The following DPY19L1 variants were observed in gnomAD, a reference collection of about 807,000 sequenced individuals.
The protein encoded by DPY19L1 is protein C-mannosyl-transferase DPY19L1.
A neutral mutation model predicts 96.9 loss-of-function variants in DPY19L1; 35 were observed. The observed-to-expected ratio is 0.36, with a 90% CI of 0.28 to 0.48. DPY19L1 has a LOEUF of 0.48. Ranked by LOEUF, DPY19L1 falls within the 20% of genes least tolerant of loss-of-function variation. DPY19L1 has a pLI of 0.99. For missense variants in DPY19L1, 521 were observed against 777.9 expected (o/e 0.67, Z 3.93); for synonymous variants, 205 against 252.6 (o/e 0.81, Z 1.79).
intron 1 of DPY19L1, among the ~76,000 whole-genome samples, chr7:35,033,263 G>A (rs1339576549): frequency 2.0e-5 from 3 of 152,120 alleles, no homozygotes; most frequent in Non-Finnish European, 4.4e-5. Context: ...GACCTTTCCT[G>A]ACCCTACTTA....
chr7:34,990,630 T>C (rs1432919625), intron 6 of DPY19L1, among the ~76,000 whole-genome samples: 1 of 152,216 alleles, frequency 6.6e-6, no homozygotes, highest in Non-Finnish European at 1.5e-5. Context: ...TATAATCTGG[T>C]AGTTCTAACA....
rs1390437187 is a variant in DPY19L1 at position 34,929,805 on chromosome 7, G to A, written c.*1768C>T. The stretch of plus-strand genomic sequence containing the variant: ...GCTGCTTCCCTATTTTCTAAAACTA[G>A]CAAAAGCCTAAGAAATAAAAACAGT... On this transcript the variant is annotated 3_prime_UTR_variant, in exon 22 of 22. Transcript: ENST00000638088. The A allele has an allele frequency of 1.3e-5, 2 of 152,134 alleles. No homozygotes were observed. The highest frequency in any genetic ancestry group is 4.8e-5 in the African/African-American group (2 of 41,418). The allele number at this position is 152,134 out of a possible 1,614,324, so 9.4% of individuals were successfully genotyped here.
chr7:35,023,843 T>TC (rs1178613573), intron 1 of DPY19L1, among the ~76,000 whole-genome samples: 1 of 145,044 alleles, frequency 6.9e-6, no homozygotes, highest in African/African-American at 2.5e-5. Flanking sequence ...CTTTTTTTTT[T>TC]TTTTTTTTTT....
At chr7:34,947,984 G>A (rs923315905) in intron 14 of DPY19L1, among the ~76,000 whole-genome samples, 3 of 152,106 alleles carry the variant, frequency 2.0e-5, no homozygotes, top group East Asian at 1.9e-4. Context: ...TCTAACTAGA[G>A]AGACCAACTT....
chr7:35,023,310 C>T (rs1244475248), intron 1 of DPY19L1, among the ~76,000 whole-genome samples: 1 of 152,134 alleles, frequency 6.6e-6, no homozygotes, highest in Non-Finnish European at 1.5e-5. Flanking sequence ...TAAGATTCCC[C>T]AGTTGAGTCT....
intron 7 of DPY19L1, 45 bp downstream of exon 7, chr7:34,989,839 C>T: frequency 1.4e-6 from 2 of 1,480,434 alleles, no homozygotes; most frequent in Non-Finnish European, 9.1e-7. Flanking sequence ...AAGAAGAAAA[C>T]TGCATTTCCA....
At chr7:34,980,291 C>T (rs1346322256) in intron 7 of DPY19L1, among the ~76,000 whole-genome samples, 1 of 152,092 alleles carries the variant, frequency 6.6e-6, no homozygotes, top group Admixed American at 6.5e-5. Flanking sequence ...GTGAAAGCTA[C>T]ACCAAGGTTT....
At chr7:34,947,218 TTTTC>T (rs1340285976) in intron 15 of DPY19L1, among the ~76,000 whole-genome samples, 2 of 152,218 alleles carry the variant, frequency 1.3e-5, no homozygotes, top group African/African-American at 4.8e-5. Flanking sequence ...ATACTCTGTT[TTTTC>T]TTTCTGATTA....
At chr7:34,943,982 C>T (rs2128782495) in intron 16 of DPY19L1, among the ~76,000 whole-genome samples, 1 of 152,226 alleles carries the variant, frequency 6.6e-6, no homozygotes, top group South Asian at 2.1e-4. Flanking sequence ...CAAGGATTCT[C>T]TCAGGAGTAT....
intron 9 of DPY19L1, among the ~76,000 whole-genome samples, chr7:34,967,310 A>T (rs1480172284): frequency 4.6e-5 from 7 of 152,242 alleles, no homozygotes; most frequent in African/African-American, 1.7e-4. Flanking sequence ...AAATGTAATT[A>T]TAACATGACA....
In DPY19L1 at chr7:34,939,282, C is replaced by T; in HGVS notation, c.1958G>A (p.Gly653Asp). The T allele has an allele frequency of 1.9e-6, 3 of 1,613,170 alleles. No individual in the cohort carries two copies. Among genetic ancestry groups the T allele is most frequent in the South Asian group, 1.1e-5 (1 of 90,948 alleles). ...IVNHPHYEDA[G>D]LRARTKIVYS... Reference sequence around the variant, plus strand: ...TGCAAGACTGTGCACTGACCTCAAGCCTGCGTCTTCATAATGTGGATGATT... The same window carrying T: ...TGCAAGACTGTGCACTGACCTCAAGTCTGCGTCTTCATAATGTGGATGATT... Residue 653 changes from glycine to aspartate, a missense_variant, in exon 20 of 22, where the codon GGC (glycine) becomes GAC (aspartate). Gly to Asp is a moderately conservative substitution (Grantham distance 94, BLOSUM62 -1). Transcript: ENST00000638088.
chr7:34,985,473 T>C (rs975904271), intron 7 of DPY19L1, among the ~76,000 whole-genome samples: 5 of 151,500 alleles, frequency 3.3e-5, no homozygotes, highest in African/African-American at 4.9e-5. Flanking sequence ...CTCAAATAAC[T>C]CAATAGCAAC....
At chr7:35,036,866 G>T (rs1273129683) in intron 1 of DPY19L1, among the ~76,000 whole-genome samples, 1 of 151,932 alleles carries the variant, frequency 6.6e-6, no homozygotes, top group Non-Finnish European at 1.5e-5. Context: ...CCCAGGCAGA[G>T]CGCGGGTGGG....
At chr7:34,980,439 GAACTTCATC>G (rs578020875) in intron 7 of DPY19L1, among the ~76,000 whole-genome samples, 172 of 151,586 alleles carry the variant, frequency 1.1e-3, no homozygotes, top group Non-Finnish European at 1.7e-3. Context: ...TGAAAATTAA[GAACTTCATC>G]AAAAAACCTC....
At chr7:34,979,188 T>C (rs1784889384) in intron 7 of DPY19L1, among the ~76,000 whole-genome samples, 2 of 152,118 alleles carry the variant, frequency 1.3e-5, no homozygotes. Flanking sequence ...CATGTTTCCA[T>C]CCATTGTTGC....
At chr7:35,008,034 T>C (rs539370020) in intron 6 of DPY19L1, among the ~76,000 whole-genome samples, 1 of 152,180 alleles carries the variant, frequency 6.6e-6, no homozygotes, top group East Asian at 1.9e-4. Context: ...CTGATCTGCT[T>C]ATTACCTGCT....
At chr7:35,006,421 A>G (rs1025366688) in intron 6 of DPY19L1, among the ~76,000 whole-genome samples, 3 of 152,192 alleles carry the variant, frequency 2.0e-5, no homozygotes, top group Non-Finnish European at 4.4e-5. Context: ...ACTTAAGCAT[A>G]TATGAATTTC....
intron 20 of DPY19L1, among the ~76,000 whole-genome samples, chr7:34,938,677 A>G (rs899950609): frequency 6.6e-6 from 1 of 152,244 alleles, no homozygotes; most frequent in African/African-American, 2.4e-5. Context: ...GATGCTAATA[A>G]GATTCACCTA....
intron 21 of DPY19L1, among the ~76,000 whole-genome samples, chr7:34,936,545 A>C (rs1783871839): frequency 6.6e-6 from 1 of 152,238 alleles, no homozygotes. Context: ...TTCCTATTGC[A>C]AATGTCAGCC....
Sources: gnomAD v4.1 joint callset for allele counts (sites outside exome capture counted in the v4.1 genomes callset) on GRCh38, gnomAD v4.1.1 for gene constraint, MANE v1.5 for transcripts, NCBI Gene and HGNC (gene_info 2026-07-23, HGNC 2026-07-21) for gene names.